NKAIN2: variants seen among roughly 807,000 people sequenced by gnomAD.
NKAIN2 encodes the protein sodium/potassium transporting ATPase interacting 2.
NKAIN2 carries 14 observed loss-of-function variants against 32.6 expected under a neutral mutation model. That is an observed-to-expected ratio of 0.43 (90% confidence interval 0.28 to 0.67). The LOEUF is 0.67. NKAIN2 is among the 30% of genes least tolerant of loss of function. The pLI is 0.17. For synonymous variants in NKAIN2, 80 were observed against 87.2 expected (o/e 0.92, Z 0.46); for missense variants, 198 against 258.3 (o/e 0.77, Z 1.60).
chr6:124,531,181 T>C (rs1228534606), intron 3 of NKAIN2, among the ~76,000 whole-genome samples: 1 of 152,208 alleles, frequency 6.6e-6, no homozygotes, highest in Non-Finnish European at 1.5e-5. Flanking sequence ...GTTCTCAGCC[T>C]TCCAGTCTCT....
chr6:124,419,206 T>G (rs1411994875), intron 3 of NKAIN2, among the ~76,000 whole-genome samples: 1 of 152,162 alleles, frequency 6.6e-6, no homozygotes, highest in Non-Finnish European at 1.5e-5. Flanking sequence ...TCTTCTCTAG[T>G]CTTGTTTCTC....
At chr6:124,595,707 C>T (rs2114969833) in intron 3 of NKAIN2, among the ~76,000 whole-genome samples, 1 of 152,258 alleles carries the variant, frequency 6.6e-6, no homozygotes, top group East Asian at 1.9e-4. Context: ...ATAAAACTGA[C>T]CCTCTTTTTG....
chr6:124,696,594 G>C (rs188454461), intron 4 of NKAIN2, among the ~76,000 whole-genome samples: 2 of 151,992 alleles, frequency 1.3e-5, no homozygotes. Context: ...ATCATCATGG[G>C]AAAACACATA....
intron 3 of NKAIN2, among the ~76,000 whole-genome samples, chr6:124,530,794 G>A (rs1304118324): frequency 2.6e-5 from 4 of 152,146 alleles, no homozygotes; most frequent in Non-Finnish European, 5.9e-5. Context: ...GCAGGTCGCT[G>A]TTATAATTTT....
chr6:124,049,225 G>A (rs1782286821), intron 1 of NKAIN2, among the ~76,000 whole-genome samples: 1 of 151,958 alleles, frequency 6.6e-6, no homozygotes. Flanking sequence ...ACATGGCTTA[G>A]CCTTGTTTCT....
At chr6:124,126,841 G>C (rs1231480633) in intron 1 of NKAIN2, among the ~76,000 whole-genome samples, 1 of 152,138 alleles carries the variant, frequency 6.6e-6, no homozygotes, top group Non-Finnish European at 1.5e-5. Context: ...TGTAGTCCCA[G>C]CTACTCTGGG....
intron 1 of NKAIN2, among the ~76,000 whole-genome samples, chr6:124,021,827 G>A (rs1279070116): frequency 2.6e-5 from 4 of 151,906 alleles, no homozygotes; most frequent in Non-Finnish European, 5.9e-5. Flanking sequence ...TATTAACTAG[G>A]TTTGCATGAG....
At chr6:124,140,310 T>G (rs985899862) in intron 1 of NKAIN2, among the ~76,000 whole-genome samples, 4 of 152,222 alleles carry the variant, frequency 2.6e-5, no homozygotes, top group Non-Finnish European at 4.4e-5. Flanking sequence ...GCTCTGTGAA[T>G]GACTGAAAAG....
intron 3 of NKAIN2, among the ~76,000 whole-genome samples, chr6:124,441,124 C>T (rs1030239925): frequency 5.9e-5 from 9 of 151,948 alleles, no homozygotes; most frequent in Admixed American, 6.6e-5. Context: ...ATGATAGAGC[C>T]GTGAATCTCA....
intron 1 of NKAIN2, among the ~76,000 whole-genome samples, chr6:124,254,253 A>T (rs1036575133): frequency 1.3e-5 from 2 of 152,158 alleles, no homozygotes; most frequent in Admixed American, 1.3e-4. Flanking sequence ...TGCCTGGCCT[A>T]AGTGTTCTAC....
At chr6:124,361,143 A>G (rs6935700) in intron 3 of NKAIN2, among the ~76,000 whole-genome samples, 72,579 of 151,874 alleles carry the variant, frequency 0.48, 17,532 homozygotes, top group South Asian at 0.55. Flanking sequence ...AGGAAAGAAA[A>G]CATATATAAT....
Position 124,711,626 on chromosome 6 carries a change from C to A in NKAIN2, c.474+53240C>A, listed in dbSNP as rs1013477888. Among the ~76,000 whole-genome samples, 132 of 151,024 alleles carry A rather than the reference C, an allele frequency of 8.7e-4. 1 individual carries two copies. Among genetic ancestry groups the A allele is most frequent in the Non-Finnish European group, 1.7e-3 (112 of 67,490 alleles). On this transcript the variant is annotated intron_variant, in intron 4 of 6. Coordinates refer to ENST00000368417, the MANE Select transcript of NKAIN2 (RefSeq NM_001040214.3). ...TTGATCGCATCGGCTCCTGAGGCTT[C>A]TGCATTCTTCACGTAGTTCTCGAGC...
chr6:123,992,939 C>T (rs760571782), intron 1 of NKAIN2, among the ~76,000 whole-genome samples: 3 of 152,192 alleles, frequency 2.0e-5, no homozygotes, highest in South Asian at 4.1e-4. Context: ...GTCATATTAT[C>T]ATAGTTTGAA....
chr6:124,267,628 C>T (rs959951669), intron 1 of NKAIN2, among the ~76,000 whole-genome samples: 1 of 151,942 alleles, frequency 6.6e-6, no homozygotes, highest in East Asian at 1.9e-4. Flanking sequence ...AAATGTGTTG[C>T]TTATCACAAT....
intron 1 of NKAIN2, among the ~76,000 whole-genome samples, chr6:123,876,121 T>G (rs1206264309): frequency 6.6e-6 from 1 of 152,188 alleles, no homozygotes; most frequent in African/African-American, 2.4e-5. Context: ...CCCTATTTAT[T>G]TCTTTCACTG....
intron 1 of NKAIN2, among the ~76,000 whole-genome samples, chr6:123,914,952 A>G (rs1289939444): frequency 6.6e-6 from 1 of 152,154 alleles, no homozygotes; most frequent in Non-Finnish European, 1.5e-5. Flanking sequence ...CCTGCATTTG[A>G]TTCCCAAGCC....
chr6:123,873,025 CTT>C, intron 1 of NKAIN2, among the ~76,000 whole-genome samples: 1 of 152,242 alleles, frequency 6.6e-6, no homozygotes, highest in Non-Finnish European at 1.5e-5. Flanking sequence ...GGAGTTAAAA[CTT>C]TGAGCAAGAT....
intron 2 of NKAIN2, among the ~76,000 whole-genome samples, chr6:124,291,737 G>A (rs543655625): frequency 6.6e-5 from 10 of 151,972 alleles, no homozygotes; most frequent in Non-Finnish European, 1.3e-4. Context: ...TTCATCTTGT[G>A]GTTCTTCCTT....
At chr6:124,533,751 G>A (rs1360426696) in intron 3 of NKAIN2, among the ~76,000 whole-genome samples, 1 of 152,124 alleles carries the variant, frequency 6.6e-6, no homozygotes, top group African/African-American at 2.4e-5. Flanking sequence ...AAATTACTAT[G>A]GAATGAGTGG....
Sources: allele counts gnomAD v4.1 joint callset (sites outside exome capture counted in the v4.1 genomes callset), GRCh38; gene constraint gnomAD v4.1.1; transcripts MANE v1.5; gene names NCBI Gene and HGNC (gene_info 2026-07-23, HGNC 2026-07-21).